Variants in BLTP1 observed in about 807,000 individuals in gnomAD.
BLTP1 encodes fragile site-associated protein.
At chr4:122,246,249 A>C in the BLTP1 span, 1 of 1,608,034 alleles carries the variant, frequency 6.2e-7, no homozygotes, top group Non-Finnish European at 8.5e-7. Context: ...ACAATGAAGC[A>C]AGATAATGTA....
the BLTP1 span, chr4:122,187,884 T>C: frequency 6.4e-7 from 1 of 1,562,992 alleles, no homozygotes. Flanking sequence ...TGTTTATTTT[T>C]TTTTTTTTAG....
chr4:122,226,942 TAC>T, the BLTP1 span: 5 of 778,082 alleles, frequency 6.4e-6, no homozygotes, highest in Non-Finnish European at 9.0e-6. Flanking sequence ...TGCAGCAAAC[TAC>T]AGTTTTTTCA....
the BLTP1 span, among the ~76,000 whole-genome samples, chr4:122,327,064 T>C: frequency 6.6e-6 from 1 of 151,582 alleles, no homozygotes; most frequent in Non-Finnish European, 1.5e-5. Context: ...TCTGTGACTC[T>C]GTGAAGCTGG....
At chr4:122,331,151 GTTA>G in the BLTP1 span, 1 of 928,432 alleles carries the variant, frequency 1.1e-6, no homozygotes, top group Non-Finnish European at 1.3e-6. Flanking sequence ...GCATATAATA[GTTA>G]TTCAGTACAT....
At chr4:122,315,148 G>A in the BLTP1 span, among the ~76,000 whole-genome samples, 1 of 152,010 alleles carries the variant, frequency 6.6e-6, no homozygotes, top group South Asian at 2.1e-4. Context: ...CCTTCACCTG[G>A]ACCAATTAAC....
the BLTP1 span, chr4:122,247,459 G>A: frequency 1.1e-5 from 15 of 1,343,326 alleles, no homozygotes; most frequent in South Asian, 4.0e-5. Flanking sequence ...GCTACAATTC[G>A]GTATTCTATA....
At chr4:122,237,645 G>A in the BLTP1 span, 1 of 768,876 alleles carries the variant, frequency 1.3e-6, no homozygotes, top group Non-Finnish European at 1.6e-6. Context: ...ATGGGCCTGG[G>A]ATCTATACTT....
At chr4:122,300,927 A>G in the BLTP1 span, 3 of 984,936 alleles carry the variant, frequency 3.0e-6, no homozygotes, top group Non-Finnish European at 3.6e-6. Context: ...GCAAAAAAAA[A>G]AAAAAATGCT....
chr4:122,247,352 C>T, the BLTP1 span: 2 of 1,613,044 alleles, frequency 1.2e-6, no homozygotes, highest in Non-Finnish European at 1.7e-6. Flanking sequence ...GGTCTTGATA[C>T]AACAGGTAGG....
the BLTP1 span, among the ~76,000 whole-genome samples, chr4:122,257,037 A>T: frequency 3.4e-3 from 522 of 152,290 alleles, 3 homozygotes; most frequent in Non-Finnish European, 4.2e-3. Context: ...TGACACAAAG[A>T]TGAAACGTTG....
chr4:122,312,147 C>T, the BLTP1 span, among the ~76,000 whole-genome samples: 5 of 152,042 alleles, frequency 3.3e-5, no homozygotes, highest in Non-Finnish European at 5.9e-5. Context: ...GCAATCCTCC[C>T]GCCTCAGCCC....
the BLTP1 span, among the ~76,000 whole-genome samples, chr4:122,233,145 C>T: frequency 3.3e-5 from 5 of 152,150 alleles, no homozygotes; most frequent in African/African-American, 1.2e-4. Context: ...TGAAGCCCAG[C>T]CACCTACAGT....
At chr4:122,180,135 C>G in the BLTP1 span, 1 of 984,908 alleles carries the variant, frequency 1.0e-6, no homozygotes, top group Non-Finnish European at 1.2e-6. Flanking sequence ...AGGAACTGGA[C>G]AAAGGAGGTA....
chr4:122,352,741 G>A, the BLTP1 span: 1 of 315,864 alleles, frequency 3.2e-6, no homozygotes, highest in Non-Finnish European at 4.6e-6. Flanking sequence ...TCTTTTCCTA[G>A]AATGTCTCTT....
the BLTP1 span, chr4:122,258,914 T>G: frequency 2.2e-6 from 2 of 900,680 alleles, no homozygotes; most frequent in Non-Finnish European, 3.4e-6. Context: ...ATCTCAAATT[T>G]AAATGTTAGG....
At chr4:122,219,185 AT>A in the BLTP1 span, 3 of 980,950 alleles carry the variant, frequency 3.1e-6, no homozygotes, top group Non-Finnish European at 3.6e-6. Flanking sequence ...GTCTTAACAT[AT>A]GTTTTCTTTT....
chr4:122,310,649 A>G, the BLTP1 span, among the ~76,000 whole-genome samples: 3 of 152,184 alleles, frequency 2.0e-5, no homozygotes, highest in African/African-American at 7.2e-5. Context: ...TCCTCTGGGT[A>G]TAGGAAGGGC....
At chr4:122,158,126 T>G in the BLTP1 span, among the ~76,000 whole-genome samples, 1 of 152,194 alleles carries the variant, frequency 6.6e-6, no homozygotes, top group East Asian at 1.9e-4. Context: ...AGCATTTTAG[T>G]GTTATTTAGT....
At chr4:122,237,642 T>C in the BLTP1 span, 1 of 763,950 alleles carries the variant, frequency 1.3e-6, no homozygotes, top group Non-Finnish European at 1.6e-6. Context: ...TTTATGGGCC[T>C]GGGATCTATA....
Sources: gnomAD v4.1 joint callset for allele counts (sites outside exome capture counted in the v4.1 genomes callset) on GRCh38, gnomAD v4.1.1 for gene constraint, MANE v1.5 for transcripts, NCBI Gene and HGNC (gene_info 2026-07-23, HGNC 2026-07-21) for gene names.